MROH9: variants seen among roughly 807,000 people sequenced by gnomAD.
MROH9 encodes the protein maestro heat like repeat family member 9, also known as maestro heat-like repeat-containing protein family member 9.
Under a neutral mutation model 98.2 loss-of-function variants are expected in MROH9, and 92 were observed. That is an observed-to-expected ratio of 0.94 (90% CI 0.79 to 1.11). MROH9 has a LOEUF of 1.11. Among genes scored for constraint, MROH9 ranks in the 50% most tolerant of loss-of-function variants. The pLI, the probability that MROH9 is intolerant of heterozygous loss-of-function variation, is 0.00. For missense variants in MROH9, 1,057 were observed against 1,014.8 expected (o/e 1.04, Z -0.57); for synonymous variants, 397 against 368.9 (o/e 1.08, Z -0.87).
chr1:170,996,384 T>G, intron 13 of MROH9, 123 bp from the exon 14 acceptor site: 1 of 1,035,844 alleles, frequency 9.7e-7, no homozygotes, highest in Non-Finnish European at 1.4e-6. Flanking sequence ...CTTTTTCCAT[T>G]GAGACATCCC....
chr1:170,991,051 G>A (rs1175515732), intron 11 of MROH9, among the ~76,000 whole-genome samples: 1 of 152,086 alleles, frequency 6.6e-6, no homozygotes, highest in African/African-American at 2.4e-5. Context: ...AGTATTACTG[G>A]CCCTCAAGCA....
At chr1:171,057,380 A>G (rs181157668) in intron 20 of MROH9, among the ~76,000 whole-genome samples, 1 of 152,334 alleles carries the variant, frequency 6.6e-6, no homozygotes, top group East Asian at 1.9e-4. Context: ...TTTGAAGACC[A>G]CTTTATTGAA....
intron 15 of MROH9, among the ~76,000 whole-genome samples, chr1:171,006,101 G>T (rs544202339): frequency 1.3e-5 from 2 of 152,268 alleles, no homozygotes; most frequent in East Asian, 3.9e-4. Flanking sequence ...AGCATTTCTT[G>T]TAAGTTAGGT....
chr1:171,060,836 A>G (rs1653988684), intron 20 of MROH9, among the ~76,000 whole-genome samples: 1 of 152,232 alleles, frequency 6.6e-6, no homozygotes, highest in Admixed American at 6.5e-5. Context: ...TTTCCTGAAC[A>G]GGACCTCAAA....
chr1:170,976,015 C>G (rs1650671342), intron 8 of MROH9, among the ~76,000 whole-genome samples: 1 of 151,870 alleles, frequency 6.6e-6, no homozygotes, highest in Non-Finnish European at 1.5e-5. Context: ...AGGTTTTTCT[C>G]CATTTCTTTA....
intron 7 of MROH9, 68 bp from the exon 8 acceptor site, chr1:170,971,680 G>C: frequency 1.3e-6 from 2 of 1,529,474 alleles, no homozygotes; most frequent in East Asian, 2.3e-5. Flanking sequence ...AACAGGATCA[G>C]ATGCATGCAG....
chr1:170,952,199 T>C (rs1036897458), intron 3 of MROH9, among the ~76,000 whole-genome samples: 4 of 151,914 alleles, frequency 2.6e-5, no homozygotes, highest in African/African-American at 4.8e-5. Context: ...TGGCGATTCC[T>C]CAGGGATCTA....
intron 3 of MROH9, among the ~76,000 whole-genome samples, chr1:170,952,730 C>T (rs1042533701): frequency 4.6e-5 from 7 of 150,862 alleles, no homozygotes; most frequent in South Asian, 2.1e-4. Flanking sequence ...GCACATGTAC[C>T]CCAGAACTTA....
chr1:170,970,389 G>GAA lies in MROH9; in HGVS notation c.481-1348_481-1347dup, dbSNP rs376405516. Among the ~76,000 whole-genome samples, 1,160 of 145,036 alleles carry GAA rather than the reference G, an allele frequency of 8.0e-3. 8 individuals carry two copies. The highest frequency in any genetic ancestry group is 0.018 in the Middle Eastern group (5 of 274). On this transcript the variant is annotated intron_variant, in intron 7 of 21. Coordinates refer to ENST00000367759, the MANE Select transcript of MROH9 (RefSeq NM_001163629.2). ...GTTTTAAGATCTTGCCATCGAGTGG[G>GAA]AAAAAAAAAAAACTTGGAATGCAAA...
chr1:171,024,301 GGGGTGTGTGTGTGT>G lies in MROH9; in HGVS notation c.1909-92_1909-79del, dbSNP rs935099926. 8,414 of 718,648 alleles carry G rather than the reference GGGGTGTGTGTGTGT, an allele frequency of 0.012. 440 individuals are homozygous for G. The African/African-American group carries it at 0.24, about 21-fold the overall frequency. 44.5% of individuals were successfully genotyped at this position (718,648 alleles called of 1,614,324 possible). ...ATATACATATATAGTATATTTATATGGGGTGTGTGTGTGTGTGTGTGTGTGTGTGTAGATTACTG... is the reference window on the plus strand; with the variant it reads ...ATATACATATATAGTATATTTATATGGTGTGTGTGTGTGTGTAGATTACTG... On this transcript the variant is annotated intron_variant, in intron 17 of 21. Transcript: ENST00000367759.
rs576882522 is a variant in MROH9 at position 171,062,272 on chromosome 1, A to T, written c.2344+78A>T. 4 of 1,041,078 alleles carry T rather than the reference A, an allele frequency of 3.8e-6. No homozygotes were observed. The African/African-American group carries it at 6.4e-5, about 17-fold the overall frequency. The allele number at this position is 1,041,078 out of a possible 1,614,324, so 64.5% of individuals were successfully genotyped here. ...CTATTTTTAATTCTAGTCACATATG[A>T]GTTCTGTTAGAGTGCCAGGCCAGAC... On this transcript the variant is annotated intron_variant, in intron 21 of 21. Transcript: ENST00000367759.
At chr1:170,938,813 G>C (rs904978387) in intron 1 of MROH9, among the ~76,000 whole-genome samples, 1 of 152,212 alleles carries the variant, frequency 6.6e-6, no homozygotes, top group Non-Finnish European at 1.5e-5. Context: ...CTGCCACCAG[G>C]TAGCTGGCTG....
chr1:170,946,102 C>A (rs901122556), intron 2 of MROH9, among the ~76,000 whole-genome samples: 1 of 151,848 alleles, frequency 6.6e-6, no homozygotes, highest in Non-Finnish European at 1.5e-5. Context: ...CAAAACAAAT[C>A]TAAGGAATGC....
chr1:171,009,234 A>G (rs1467221871), intron 15 of MROH9, among the ~76,000 whole-genome samples: 3 of 152,006 alleles, frequency 2.0e-5, no homozygotes, highest in Non-Finnish European at 2.9e-5. Flanking sequence ...GAATAAAATT[A>G]AATCAAGAAG....
chr1:171,007,055 T>C (rs1437386868), intron 15 of MROH9, among the ~76,000 whole-genome samples: 2 of 152,222 alleles, frequency 1.3e-5, no homozygotes, highest in Non-Finnish European at 2.9e-5. Flanking sequence ...TAGTTTTGCA[T>C]TGGTTTCTGT....
At chr1:171,049,584 C>A (rs1346293929) in intron 20 of MROH9, among the ~76,000 whole-genome samples, 1 of 152,152 alleles carries the variant, frequency 6.6e-6, no homozygotes, top group Non-Finnish European at 1.5e-5. Context: ...CTCCACCCCC[C>A]ATTTCTTCAT....
chr1:170,938,831 T>C (rs1027176072), intron 1 of MROH9, among the ~76,000 whole-genome samples: 2 of 152,242 alleles, frequency 1.3e-5, no homozygotes, highest in Non-Finnish European at 2.9e-5. Context: ...CTGATCACTC[T>C]GGGCCACATC....
chr1:170,996,720 G>A, intron 14 of MROH9, 76 bp downstream of exon 14: 1 of 1,441,594 alleles, frequency 6.9e-7, no homozygotes, highest in Non-Finnish European at 9.5e-7. Flanking sequence ...AAGCCATGCG[G>A]GAACAAGATA....
chr1:171,011,520 G>C (rs930606581), intron 15 of MROH9, among the ~76,000 whole-genome samples: 1 of 151,954 alleles, frequency 6.6e-6, no homozygotes, highest in African/African-American at 2.4e-5. Context: ...TATTTTTCCA[G>C]AAAATAATTT....
Sources: allele counts gnomAD v4.1 joint callset (sites outside exome capture counted in the v4.1 genomes callset), GRCh38; gene constraint gnomAD v4.1.1; transcripts MANE v1.5; gene names NCBI Gene and HGNC (gene_info 2026-07-23, HGNC 2026-07-21).